The following SH3D19 variants were observed in gnomAD, a reference collection of about 807,000 sequenced individuals.
The protein encoded by SH3D19 is SH3 domain containing 19.
In SH3D19, 58 loss-of-function variants were observed where a neutral mutation model predicts 112.1. That is an observed-to-expected ratio of 0.52 (90% CI 0.42 to 0.64). The LOEUF (loss-of-function observed/expected upper bound fraction) is 0.64, where lower values mean the gene tolerates loss of function less well. Ranked by LOEUF, SH3D19 falls within the 30% of genes least tolerant of loss-of-function variation. SH3D19 has a pLI of 0.00. For missense variants in SH3D19, 1,090 were observed against 1,263.4 expected (o/e 0.86, Z 2.08); for synonymous variants, 391 against 448.5 (o/e 0.87, Z 1.62).
chr4:151,195,371 C>CAAAAAAAAAAAA (rs58618820), intron 2 of SH3D19, among the ~76,000 whole-genome samples: 2 of 66,792 alleles, frequency 3.0e-5, no homozygotes, highest in Non-Finnish European at 4.8e-5. Flanking sequence ...GACTCTGTCT[C>CAAAAAAAAAAAA]AAAAAAAAAA....
intron 1 of SH3D19, among the ~76,000 whole-genome samples, chr4:151,318,300 C>CAAAAAAAAAAAAAAA (rs752720803): frequency 1.8e-4 from 10 of 54,346 alleles, no homozygotes; most frequent in African/African-American, 2.6e-4. Context: ...GACTCTGACT[C>CAAAAAAAAAAAAAAA]AAAAAAAAAA....
At chr4:151,221,851 T>C (rs1018532182) in intron 2 of SH3D19, among the ~76,000 whole-genome samples, 2 of 152,162 alleles carry the variant, frequency 1.3e-5, no homozygotes, top group Non-Finnish European at 1.5e-5. Flanking sequence ...AACTTCACTT[T>C]AGGGTCAATA....
chr4:151,122,920 C>T (rs890964447), intron 19 of SH3D19, among the ~76,000 whole-genome samples: 6 of 147,074 alleles, frequency 4.1e-5, no homozygotes, highest in Non-Finnish European at 5.9e-5. Flanking sequence ...GGTGCAATCT[C>T]GGCTCACTGC....
intron 9 of SH3D19, among the ~76,000 whole-genome samples, chr4:151,152,965 A>G (rs1755353490): frequency 2.6e-5 from 4 of 151,692 alleles, no homozygotes; most frequent in South Asian, 4.2e-4. Flanking sequence ...CCTCTTGAGT[A>G]GCTGGGATTA....
chr4:151,184,026 G>A (rs966475342), intron 3 of SH3D19, among the ~76,000 whole-genome samples: 20 of 152,280 alleles, frequency 1.3e-4, no homozygotes, highest in African/African-American at 4.8e-4. Context: ...TATTAACTAA[G>A]TCTGAATTTC....
rs1480149399 is a variant in SH3D19 at position 151,132,333 on chromosome 4, G to C, written c.2740C>G (p.Gln914Glu). ...AGTCATCTGTTCAAGCAGCCTACCT[G>C]AGAGTTTGAGCCAGAATCTTCTTTT... ...TKKEDSGSNS[Q>E]VNSLPAEWCE... Residue 914 changes from glutamine to glutamate, a missense_variant and splice_region_variant, in exon 17 of 20, where the codon CAG (glutamine) becomes GAG (glutamate). By Grantham distance (29) the Gln-to-Glu change is conservative. Transcript: ENST00000604030. 4 of 1,613,824 alleles carry C rather than the reference G, an allele frequency of 2.5e-6. No individual in the cohort carries two copies. Among genetic ancestry groups the C allele is most frequent in the Non-Finnish European group, 1.7e-6 (2 of 1,179,894 alleles).
At chr4:151,128,378 G>T in intron 17 of SH3D19, 22 bp from the exon 18 acceptor site, 3 of 1,568,724 alleles carry the variant, frequency 1.9e-6, no homozygotes, top group Non-Finnish European at 2.6e-6. Flanking sequence ...TTAGAGGTGT[G>T]GTCAGAAGTG....
At position 151,122,184 on chromosome 4, in the gene SH3D19, C is replaced by T. The variant is rs1243485286; in HGVS notation, c.3051G>A (p.Leu1017=). 6.2e-7 allele frequency: 1 copy of T among 1,604,556 alleles called. No individual in the cohort carries two copies. Among genetic ancestry groups the T allele is most frequent in the Admixed American group, 1.7e-5 (1 of 59,876 alleles). Residue 1017 remains leucine, a synonymous_variant, in exon 20 of 20, where the codon CTG becomes CTA. Coordinates refer to ENST00000604030, the MANE Select transcript of SH3D19 (RefSeq NM_001378122.1). ...SFKAGDIITE[L]ESVDDDWMSG... ...TCATCCAGTCATCATCTACAGATTCCAGCTCTGTTATTATATCTCCAGCCT... is the reference window on the plus strand; with the variant it reads ...TCATCCAGTCATCATCTACAGATTCTAGCTCTGTTATTATATCTCCAGCCT...
chr4:151,311,717 G>A (rs544620797), intron 1 of SH3D19, among the ~76,000 whole-genome samples: 1 of 152,126 alleles, frequency 6.6e-6, no homozygotes, highest in Admixed American at 6.5e-5. Context: ...GCATGTCCCT[G>A]CAGTCTCAGC....
At chr4:151,290,611 T>G (rs1775226097) in intron 1 of SH3D19, among the ~76,000 whole-genome samples, 1 of 152,198 alleles carries the variant, frequency 6.6e-6, no homozygotes, top group Non-Finnish European at 1.5e-5. Flanking sequence ...TAAAATGGGT[T>G]GTGGTGATGG....
intron 1 of SH3D19, among the ~76,000 whole-genome samples, chr4:151,315,265 C>A (rs2126387225): frequency 6.6e-6 from 1 of 152,294 alleles, no homozygotes; most frequent in Admixed American, 6.5e-5. Context: ...GAGAAAAACA[C>A]ACTGAAAACA....
At chr4:151,177,295 G>A (rs1015649928) in intron 4 of SH3D19, among the ~76,000 whole-genome samples, 1 of 152,156 alleles carries the variant, frequency 6.6e-6, no homozygotes, top group Admixed American at 6.5e-5. Flanking sequence ...CAAACATACA[G>A]TGTAAGGTAT....
chr4:151,147,032 T>C (rs1754040551), intron 11 of SH3D19, among the ~76,000 whole-genome samples: 2 of 152,208 alleles, frequency 1.3e-5, no homozygotes, highest in African/African-American at 4.8e-5. Context: ...AACTTTCTAC[T>C]TCATTTTAAA....
Position 151,295,045 on chromosome 4 carries a change from G to A in SH3D19, c.112+30196C>T, listed in dbSNP as rs547609513. 2.0e-5 allele frequency among the ~76,000 whole-genome samples: 3 copies of A among 152,324 alleles called. No homozygotes were observed. In the East Asian group the frequency reaches 5.8e-4, roughly 29 times the overall value. Reference sequence around the variant, plus strand: ...AGAACAGGCCGGTCAATGTGGCTGGGACACTGTGAGCAAAGGTGGAAAGGT... The same window carrying A: ...AGAACAGGCCGGTCAATGTGGCTGGAACACTGTGAGCAAAGGTGGAAAGGT... On this transcript the variant is annotated intron_variant, in intron 1 of 19. Transcript: ENST00000604030.
At chr4:151,169,001 A>AC (rs1758580492) in intron 7 of SH3D19, among the ~76,000 whole-genome samples, 1 of 152,172 alleles carries the variant, frequency 6.6e-6, no homozygotes, top group Non-Finnish European at 1.5e-5. Flanking sequence ...GAGGGGCTGA[A>AC]CATAGGGGGC....
intron 1 of SH3D19, among the ~76,000 whole-genome samples, chr4:151,298,513 A>C (rs571114313): frequency 6.6e-6 from 1 of 152,300 alleles, no homozygotes; most frequent in East Asian, 1.9e-4. Flanking sequence ...TTTGTAGCTA[A>C]TTTGTTATAA....
At chr4:151,184,594 TC>T (rs1561300497) in intron 3 of SH3D19, among the ~76,000 whole-genome samples, 1 of 151,840 alleles carries the variant, frequency 6.6e-6, no homozygotes, top group African/African-American at 2.4e-5. Flanking sequence ...CCTTCCTCTC[TC>T]TGCTAGGGCC....
chr4:151,138,684 T>TCACACACA (rs1491306799), intron 13 of SH3D19, among the ~76,000 whole-genome samples: 35 of 135,892 alleles, frequency 2.6e-4, no homozygotes, highest in South Asian at 7.3e-4. Flanking sequence ...CAAGATCTTG[T>TCACACACA]CTCACACACA....
At chr4:151,310,647 C>G (rs1246399591) in intron 1 of SH3D19, among the ~76,000 whole-genome samples, 1 of 151,396 alleles carries the variant, frequency 6.6e-6, no homozygotes. Context: ...TCTCGGCTCA[C>G]TGCAACCTCC....
Sources: allele counts gnomAD v4.1 joint callset (sites outside exome capture counted in the v4.1 genomes callset), GRCh38; gene constraint gnomAD v4.1.1; transcripts MANE v1.5; gene names NCBI Gene and HGNC (gene_info 2026-07-23, HGNC 2026-07-21).